The following RNF32 variants were observed in gnomAD, a reference collection of about 807,000 sequenced individuals.
The protein encoded by RNF32 is ring finger protein 32.
RNF32 carries 36 observed loss-of-function variants against 41.0 expected under a neutral mutation model. The ratio of observed to expected loss-of-function variants is 0.88; its 90% CI spans 0.67 to 1.16. RNF32 has a LOEUF of 1.16. Ranked by LOEUF, RNF32 falls within the 50% of genes most tolerant of loss-of-function variation. RNF32 has a pLI of 0.00. For missense variants in RNF32, 413 were observed against 436.7 expected (o/e 0.95, Z 0.48); for synonymous variants, 154 against 160.9 (o/e 0.96, Z 0.32).
chr7:156,675,848 GA>G lies in RNF32; in HGVS notation c.841del (p.Ile281SerfsTer54). The G allele has an allele frequency of 6.2e-7, 1 of 1,613,766 alleles. No individual in the cohort carries two copies. Among genetic ancestry groups the G allele is most frequent in the Non-Finnish European group, 8.5e-7 (1 of 1,179,768 alleles). Reference sequence around the variant, plus strand: ...ATGAGATCACAGAAGAGGAATGGGAGAAAATCCAAGTGCAGGTAGGTTTGGC... The same window carrying G: ...ATGAGATCACAGAAGAGGAATGGGAGAAATCCAAGTGCAGGTAGGTTTGGC... ...GHEITEEEWE[K>X]IQVQALRRET... On this transcript the variant is annotated frameshift_variant, in exon 8 of 9. Coordinates refer to ENST00000317955, the MANE Select transcript of RNF32 (RefSeq NM_030936.4). LOFTEE classifies it low-confidence loss of function (END_TRUNC).
chr7:156,676,940 T>C lies in RNF32; in HGVS notation c.*285T>C, dbSNP rs960130470. On this transcript the variant is annotated 3_prime_UTR_variant, in exon 9 of 9. Transcript: ENST00000317955. ...ACTTCTAAAAATTGAGGTTAAGATA[T>C]AGCTAGTGTCTGAACGACACTCCTT... The C allele has an allele frequency of 8.3e-6, 3 of 361,424 alleles. No individual in the cohort carries two copies. Among genetic ancestry groups the C allele is most frequent in the African/African-American group, 4.1e-5 (2 of 48,758 alleles). The allele number at this position is 361,424 out of a possible 1,614,324, so 22.4% of individuals were successfully genotyped here.
intron 1 of RNF32, among the ~76,000 whole-genome samples, 181 bp from the exon 2 acceptor site, chr7:156,643,620 A>C (rs1485489524): frequency 2.0e-5 from 3 of 152,194 alleles, no homozygotes; most frequent in Admixed American, 2.0e-4. Context: ...GGATGAGTCG[A>C]AGCATAACTG....
chr7:156,660,453 ATAAG>A lies in RNF32; in HGVS notation c.684+1887_684+1890del, dbSNP rs1432627631. The A allele has an allele frequency of 2.0e-5, 5 of 244,640 alleles. No homozygotes were observed. The South Asian group carries it at 4.5e-4, about 22-fold the overall frequency. 15.2% of individuals were successfully genotyped at this position (244,640 alleles called of 1,614,324 possible). ...AAGCTGAATATCTGTGAAGAAACTGATAAGTAAAACTGATTTTTTATTTTTTGCA... is the reference window on the plus strand; with the variant it reads ...AAGCTGAATATCTGTGAAGAAACTGATAAAACTGATTTTTTATTTTTTGCA... On this transcript the variant is annotated intron_variant, in intron 7 of 8. Transcript: ENST00000317955.
At chr7:156,657,496 TTC>T (rs751767855) in intron 4 of RNF32, 43 bp from the exon 5 acceptor site, 2 of 1,600,778 alleles carry the variant, frequency 1.2e-6, no homozygotes, top group East Asian at 4.5e-5. Flanking sequence ...TACATGCTGC[TTC>T]TCTTTTGTAA....
In RNF32 at chr7:156,676,248, T is replaced by C. The variant is rs1005568959; in HGVS notation, c.853-171T>C. The C allele has an allele frequency of 3.3e-6, 5 of 1,533,438 alleles. No homozygotes were observed. The South Asian group carries it at 3.6e-5, about 11-fold the overall frequency. 95.0% of individuals were successfully genotyped at this position (1,533,438 alleles called of 1,614,324 possible). A position where few individuals can be genotyped will look rare whatever the true frequency, so the allele number is the denominator to read the frequency against. ...GAGTAACAGAGTATATGTGTGTGTA[T>C]ATATATATGTATATATATAAATAAA... On this transcript the variant is annotated intron_variant, in intron 8 of 8. Coordinates refer to ENST00000317955, the MANE Select transcript of RNF32 (RefSeq NM_030936.4).
intron 7 of RNF32, chr7:156,659,439 C>T (rs556054306): frequency 5.1e-6 from 5 of 985,386 alleles, no homozygotes; most frequent in Admixed American, 6.1e-5. Flanking sequence ...TGCACGATTG[C>T]GTCATCCTTC....
intron 7 of RNF32, among the ~76,000 whole-genome samples, chr7:156,663,908 C>A (rs1207079652): frequency 6.6e-6 from 1 of 152,220 alleles, no homozygotes; most frequent in Non-Finnish European, 1.5e-5. Context: ...CAAGAACATT[C>A]CACACGGATT....
At position 156,675,735 on chromosome 7, in the gene RNF32, A is replaced by G; in HGVS notation, c.724A>G (p.Thr242Ala). The G allele has an allele frequency of 6.2e-7, 1 of 1,613,766 alleles. No homozygotes were observed. The change falls in exon 8 of 9, where the codon ACC (threonine) becomes GCC (alanine). Residue 242 changes from threonine (T) to alanine (A), a missense_variant. Thr to Ala is a moderately conservative substitution (Grantham distance 58). Transcript: ENST00000317955. ...ISHRILCSYN[T>A]NIEELFAEID... Reference sequence around the variant, plus strand: ...CCACCGCATCCTGTGCTCATACAACACCAACATTGAAGAGCTCTTTGCAGA... The same window carrying G: ...CCACCGCATCCTGTGCTCATACAACGCCAACATTGAAGAGCTCTTTGCAGA...
chr7:156,652,172 C>T (rs977747764), intron 3 of RNF32, among the ~76,000 whole-genome samples: 11 of 152,144 alleles, frequency 7.2e-5, no homozygotes, highest in Non-Finnish European at 7.4e-5. Flanking sequence ...TTCCTTCCTC[C>T]GAATTTTGAA....
Position 156,658,226 on chromosome 7 carries a change from C to T in RNF32, c.549C>T (p.Arg183=). Residue 183 remains arginine, a synonymous_variant, in exon 6 of 9, where the codon CGC becomes CGT. Transcript: ENST00000317955. ...YQTRVIHDGA[R]LFRIKCVTRI... ...CCCGAGTGATACACGATGGGGCCCG[C>T]CTGTTCAGAATCAAGTGTGTGACCA... 2 of 1,614,210 alleles carry T rather than the reference C, an allele frequency of 1.2e-6. No homozygotes were observed. Among genetic ancestry groups the T allele is most frequent in the Non-Finnish European group, 8.5e-7 (1 of 1,180,050 alleles).
At chr7:156,663,036 A>G (rs1009590043) in intron 7 of RNF32, among the ~76,000 whole-genome samples, 4 of 151,866 alleles carry the variant, frequency 2.6e-5, no homozygotes, top group Admixed American at 6.6e-5. Context: ...AGGTTTCACC[A>G]TGTTAGCCAG....
At chr7:156,660,453 A>T (rs908760201) in intron 7 of RNF32, 1 of 244,640 alleles carries the variant, frequency 4.1e-6, no homozygotes, top group African/African-American at 2.3e-5. Flanking sequence ...GAAGAAACTG[A>T]TAAGTAAAAC....
intron 7 of RNF32, chr7:156,660,291 GTA>G (rs1800431158): frequency 1.0e-6 from 1 of 983,972 alleles, no homozygotes; most frequent in Non-Finnish European, 1.2e-6. Flanking sequence ...AACCTCTATT[GTA>G]TGTTTAAACA....
chr7:156,656,994 G>T (rs1008881851), intron 4 of RNF32, among the ~76,000 whole-genome samples: 12 of 152,194 alleles, frequency 7.9e-5, no homozygotes, highest in Admixed American at 7.9e-4. Context: ...TGGGGAATTT[G>T]GGTCACAGAA....
rs1802172196 is a variant in RNF32 at position 156,670,227 on chromosome 7, T to C, written c.685-5469T>C. Among the ~76,000 whole-genome samples the C allele has an allele frequency of 1.3e-5, 2 of 152,236 alleles. No homozygotes were observed. The highest frequency in any genetic ancestry group is 2.1e-4 in the South Asian group (1 of 4,834). On this transcript the variant is annotated intron_variant, in intron 7 of 8. Transcript: ENST00000317955. This position sits in a 1 kb window ranked among gnomAD's most constrained non-coding sequence, Gnocchi z 4.3. Reference sequence around the variant, plus strand: ...CACTAGGGCACACACATTTCCTTCTTTGCAGAGGAGCTGGATGCTAAGCAC... The same window carrying C: ...CACTAGGGCACACACATTTCCTTCTCTGCAGAGGAGCTGGATGCTAAGCAC...
rs1357981668 is a variant in RNF32, at chr7:156,669,590, G to A, written c.685-6106G>A. 1.3e-5 allele frequency among the ~76,000 whole-genome samples: 2 copies of A among 152,194 alleles called. No individual in the cohort carries two copies. Among genetic ancestry groups the A allele is most frequent in the African/African-American group, 4.8e-5 (2 of 41,446 alleles). On this transcript the variant is annotated intron_variant, in intron 7 of 8. Transcript: ENST00000317955. This position sits in a 1 kb window ranked among gnomAD's most constrained non-coding sequence, Gnocchi z 4.2. Reference sequence around the variant, plus strand: ...CAGACCCCTGTGAGGCCCTGAGCTGGGCGCTGAGCAGATAGGTCATTTTCA... The same window carrying A: ...CAGACCCCTGTGAGGCCCTGAGCTGAGCGCTGAGCAGATAGGTCATTTTCA...
At chr7:156,658,811 A>C in intron 7 of RNF32, 4 of 1,183,206 alleles carry the variant, frequency 3.4e-6, no homozygotes, top group Non-Finnish European at 4.8e-6. Context: ...AATCAAAGCA[A>C]CTTCTGTTTG....
intron 3 of RNF32, 60 bp from the exon 4 acceptor site, chr7:156,654,516 T>G (rs2131447140): frequency 6.8e-7 from 1 of 1,469,396 alleles, no homozygotes; most frequent in Non-Finnish European, 9.4e-7. Flanking sequence ...ATTAAAGTTA[T>G]AGGTGGGTGC....
chr7:156,651,030 G>A (rs1054183900), intron 3 of RNF32, among the ~76,000 whole-genome samples: 6 of 151,990 alleles, frequency 3.9e-5, no homozygotes, highest in African/African-American at 9.7e-5. Flanking sequence ...TCTCCATAGC[G>A]TTCATCACAC....
Sources: gnomAD v4.1 joint callset for allele counts (sites outside exome capture counted in the v4.1 genomes callset) on GRCh38, gnomAD v4.1.1 for gene constraint, Gnocchi (gnomAD v3.1) non-coding constraint, MANE v1.5 for transcripts, NCBI Gene and HGNC (gene_info 2026-07-23, HGNC 2026-07-21) for gene names.